RWDD1: variants seen among roughly 807,000 people sequenced by gnomAD.
The protein encoded by RWDD1 is RWD domain-containing protein 1.
A neutral mutation model predicts 31.6 loss-of-function variants in RWDD1; 17 were observed. The ratio of observed to expected loss-of-function variants is 0.54; its 90% confidence interval spans 0.37 to 0.81. The LOEUF is 0.81. RWDD1 is among the 30% of genes least tolerant of loss of function. The pLI is 0.00. For missense variants in RWDD1, 204 were observed against 274.5 expected (o/e 0.74, Z 1.82); for synonymous variants, 78 against 94.2 (o/e 0.83, Z 0.99).
intron 3 of RWDD1, among the ~76,000 whole-genome samples, chr6:116,585,651 A>C (rs1775025769): frequency 6.6e-6 from 1 of 152,164 alleles, no homozygotes. Context: ...TGGTCACCAT[A>C]ATGTTGATGT....
At chr6:116,571,787 A>C in intron 1 of RWDD1, 132 bp downstream of exon 1, 1 of 610,668 alleles carries the variant, frequency 1.6e-6, no homozygotes, top group Non-Finnish European at 2.7e-6. Context: ...CTTGCCCTCC[A>C]CTCCTCAAGT....
At chr6:116,580,244 G>A (rs1413826411) in intron 1 of RWDD1, 51 bp from the exon 2 acceptor site, 1 of 1,366,942 alleles carries the variant, frequency 7.3e-7, no homozygotes. Context: ...ATAAGGAAAA[G>A]CATCTGCCTT....
chr6:116,577,855 A>T (rs1774878023), intron 1 of RWDD1, among the ~76,000 whole-genome samples: 1 of 152,152 alleles, frequency 6.6e-6, no homozygotes, highest in African/African-American at 2.4e-5. Flanking sequence ...TAAACTTTCA[A>T]CTGTATTTTC....
At position 116,580,371 on chromosome 6, in the gene RWDD1, T is replaced by C. The variant is rs751562390; in HGVS notation, c.139+11T>C. On this transcript the variant is annotated intron_variant, in intron 2 of 6. Transcript: ENST00000466444. ...GAGAAAATGATGAAAGTAAGTCTTA[T>C]AAAAAATACTTGTGGTTTTTCTAAA... is the stretch of plus-strand genomic sequence containing the variant. 7 of 1,574,504 alleles carry C rather than the reference T, an allele frequency of 4.4e-6. No homozygotes were observed. Among genetic ancestry groups the C allele is most frequent in the South Asian group, 1.2e-5 (1 of 86,784 alleles).
rs536468127 is a variant in RWDD1, at chr6:116,584,671, A to G, written c.140-56A>G. On this transcript the variant is annotated intron_variant, in intron 2 of 6. Transcript: ENST00000466444. ...GCTACTTTCTACTGATTCAGCAAAG[A>G]TATCTACCTCTTTACTTTTAAGGTA... is the stretch of plus-strand genomic sequence containing the variant. 30 of 1,502,246 alleles carry G rather than the reference A, an allele frequency of 2.0e-5. No individual in the cohort carries two copies. In the East Asian group the frequency reaches 6.8e-4, roughly 34 times the overall value. 93.1% of individuals were successfully genotyped at this position (1,502,246 alleles called of 1,614,324 possible). A position where few individuals can be genotyped will look rare whatever the true frequency, so the allele number is the denominator to read the frequency against.
chr6:116,586,780 G>A lies in RWDD1; in HGVS notation c.270+1923G>A, dbSNP rs1775047791. 2.0e-5 allele frequency among the ~76,000 whole-genome samples: 3 copies of A among 152,116 alleles called. 1 individual carries two copies. Among genetic ancestry groups the A allele is most frequent in the African/African-American group, 7.2e-5 (3 of 41,430 alleles). ...TTCAGTGTTTCCTGGAAGTATGATT[G>A]CTGGATTAAAGGGAATGCATACTTA... is the stretch of plus-strand genomic sequence containing the variant. On this transcript the variant is annotated intron_variant, in intron 3 of 6. Coordinates refer to ENST00000466444, the MANE Select transcript of RWDD1 (RefSeq NM_015952.4).
chr6:116,596,362 G>A lies in RWDD1; in HGVS notation c.*3261G>A, dbSNP rs1327317592. 6.6e-6 allele frequency: 1 copy of A among 152,206 alleles called. No homozygotes were observed. Among genetic ancestry groups the A allele is most frequent in the Non-Finnish European group, 1.5e-5 (1 of 68,016 alleles). 9.4% of individuals were successfully genotyped at this position (152,206 alleles called of 1,614,324 possible). On this transcript the variant is annotated 3_prime_UTR_variant, in exon 7 of 7. Transcript: ENST00000466444. ...TTAGGAACTGTATCAGGGTGACAAA[G>A]ATGAAAGAATGCTGCCAGAAAAGTA...
At chr6:116,582,735 A>T (rs1186108624) in intron 2 of RWDD1, among the ~76,000 whole-genome samples, 1 of 150,758 alleles carries the variant, frequency 6.6e-6, no homozygotes, top group Non-Finnish European at 1.5e-5. Context: ...TGTTTTTCTG[A>T]TGTATTTCAT....
intron 2 of RWDD1, among the ~76,000 whole-genome samples, chr6:116,581,873 A>G (rs1165475835): frequency 1.3e-5 from 2 of 152,048 alleles, no homozygotes; most frequent in Non-Finnish European, 2.9e-5. Flanking sequence ...ATAATACAAA[A>G]TAATACATGC....
intron 1 of RWDD1, 71 bp from the exon 2 acceptor site, chr6:116,580,224 T>C: frequency 8.9e-7 from 1 of 1,118,426 alleles, no homozygotes; most frequent in East Asian, 2.5e-5. Context: ...TGGGTACTGA[T>C]AATTTGCTAA....
At chr6:116,579,038 G>A (rs1285776024) in intron 1 of RWDD1, among the ~76,000 whole-genome samples, 1 of 152,082 alleles carries the variant, frequency 6.6e-6, no homozygotes, top group East Asian at 1.9e-4. Flanking sequence ...ACCACGCCTG[G>A]CTATTTTTTG....
chr6:116,590,774 A>C, intron 5 of RWDD1, 114 bp from the exon 6 acceptor site: 1 of 1,429,930 alleles, frequency 7.0e-7, no homozygotes, highest in Middle Eastern at 1.8e-4. Context: ...TAAATTCAGA[A>C]ATTTATTGAA....
chr6:116,579,841 C>T (rs1056079457), intron 1 of RWDD1, among the ~76,000 whole-genome samples: 26 of 152,202 alleles, frequency 1.7e-4, no homozygotes, highest in African/African-American at 6.0e-4. Flanking sequence ...TTTAACAAAT[C>T]GGTATTTACT....
chr6:116,580,412 A>C, intron 2 of RWDD1, 52 bp downstream of exon 2: 3 of 1,381,654 alleles, frequency 2.2e-6, no homozygotes, highest in Non-Finnish European at 3.0e-6. Flanking sequence ...CAGGAATTTC[A>C]CTCATTCTGT....
intron 4 of RWDD1, 22 bp from the exon 5 acceptor site, chr6:116,590,250 C>CTTTT: frequency 9.3e-7 from 1 of 1,078,214 alleles, no homozygotes; most frequent in Non-Finnish European, 1.3e-6. Flanking sequence ...AATCTGGTGA[C>CTTTT]TTTTTTTTTT....
chr6:116,578,007 A>G (rs989031899), intron 1 of RWDD1, among the ~76,000 whole-genome samples: 5 of 152,060 alleles, frequency 3.3e-5, no homozygotes, highest in East Asian at 1.9e-4. Context: ...CTGCTTGCCA[A>G]TGTGCCACCC....
chr6:116,580,032 C>A (rs909394296), intron 1 of RWDD1, among the ~76,000 whole-genome samples: 1 of 151,974 alleles, frequency 6.6e-6, no homozygotes, highest in Non-Finnish European at 1.5e-5. Flanking sequence ...CGGTAAACTA[C>A]CTCATTTTTT....
In RWDD1 at chr6:116,571,637, T is replaced by C; in HGVS notation, c.55T>C (p.Tyr19His). The change falls in exon 1 of 7, where the codon TAC (tyrosine) becomes CAC (histidine). Residue 19 changes from tyrosine (Y) to histidine (H), a missense_variant. Coordinates refer to ENST00000466444, the MANE Select transcript of RWDD1 (RefSeq NM_015952.4). ...CGAGCTGGAGGCCCTGGAGTCCATCTACCCTGACTCCTTCACAGGTGACTC... is the reference window on the plus strand; with the variant it reads ...CGAGCTGGAGGCCCTGGAGTCCATCCACCCTGACTCCTTCACAGGTGACTC... ...RNELEALESIYPDSFTVLSEN... is the reference protein window; with the variant it reads ...RNELEALESIHPDSFTVLSEN... 6.2e-7 allele frequency: 1 copy of C among 1,613,436 alleles called. No individual in the cohort carries two copies. Among genetic ancestry groups the C allele is most frequent in the Non-Finnish European group, 8.5e-7 (1 of 1,179,834 alleles).
At chr6:116,592,419 C>T (rs1775160564) in intron 6 of RWDD1, among the ~76,000 whole-genome samples, 1 of 152,134 alleles carries the variant, frequency 6.6e-6, no homozygotes, top group South Asian at 2.1e-4. Context: ...TTGGCCAGGA[C>T]TTAATTGTAT....
Sources: gnomAD v4.1 joint callset for allele counts (sites outside exome capture counted in the v4.1 genomes callset) on GRCh38, gnomAD v4.1.1 for gene constraint, MANE v1.5 for transcripts, NCBI Gene and HGNC (gene_info 2026-07-23, HGNC 2026-07-21) for gene names.